Variants in LDLRAD4 observed in about 807,000 individuals in gnomAD.
LDLRAD4 encodes the protein low-density lipoprotein receptor class A domain-containing protein 4.
Under a neutral mutation model 17.0 loss-of-function variants are expected in LDLRAD4, and 5 were observed. The ratio of observed to expected loss-of-function variants is 0.29; its 90% CI spans 0.15 to 0.62. LDLRAD4 has a LOEUF of 0.62. LDLRAD4 is among the 20% of genes least tolerant of loss of function. The pLI is 0.84. For missense variants in LDLRAD4, 340 were observed against 424.7 expected, an observed-to-expected ratio of 0.80 and a Z score of 1.75; for synonymous variants, 168 against 171.8, an observed-to-expected ratio of 0.98 and a Z score of 0.17.
At chr18:13,507,351 A>G (rs988919490) in intron 3 of LDLRAD4, among the ~76,000 whole-genome samples, 8 of 152,138 alleles carry the variant, frequency 5.3e-5, no homozygotes, top group Admixed American at 4.6e-4. Flanking sequence ...CCCATAGTCC[A>G]TTATATCATT....
chr18:13,250,630 T>C (rs910367608), intron 1 of LDLRAD4, among the ~76,000 whole-genome samples: 4 of 152,118 alleles, frequency 2.6e-5, no homozygotes, highest in Non-Finnish European at 5.9e-5. Context: ...GTAAAAAACC[T>C]AGAGGAAATG....
chr18:13,259,651 C>G (rs2043700177), intron 1 of LDLRAD4, among the ~76,000 whole-genome samples: 1 of 152,158 alleles, frequency 6.6e-6, no homozygotes, highest in South Asian at 2.1e-4. Context: ...CCACTTGTTT[C>G]TTTCTCCTGT....
At chr18:13,405,059 G>C (rs2087602200) in intron 2 of LDLRAD4, among the ~76,000 whole-genome samples, 1 of 151,694 alleles carries the variant, frequency 6.6e-6, no homozygotes, top group Admixed American at 6.6e-5. Context: ...ATCCCCTAAG[G>C]GAAGCTGCAC....
At chr18:13,546,468 A>C (rs1402840591) in intron 3 of LDLRAD4, among the ~76,000 whole-genome samples, 1 of 149,320 alleles carries the variant, frequency 6.7e-6, no homozygotes, top group East Asian at 2.0e-4. Context: ...TCCCAGGCTC[A>C]AGCGATTCTC....
At chr18:13,316,927 A>G (rs1334323734) in intron 1 of LDLRAD4, among the ~76,000 whole-genome samples, 1 of 152,246 alleles carries the variant, frequency 6.6e-6, no homozygotes, top group African/African-American at 2.4e-5. Context: ...TTTTCACTCA[A>G]ACACTTCATA....
At chr18:13,384,540 G>T (rs967474906) in intron 1 of LDLRAD4, among the ~76,000 whole-genome samples, 1 of 152,110 alleles carries the variant, frequency 6.6e-6, no homozygotes, top group Non-Finnish European at 1.5e-5. Context: ...TGAAAATTTT[G>T]TATGTTTGAT....
intron 1 of LDLRAD4, among the ~76,000 whole-genome samples, chr18:13,380,368 G>A (rs369264357): frequency 5.9e-5 from 9 of 152,200 alleles, no homozygotes; most frequent in African/African-American, 1.9e-4. Context: ...TCCTGTGGCC[G>A]CTGTGTGTAG....
intron 3 of LDLRAD4, among the ~76,000 whole-genome samples, chr18:13,555,792 T>G (rs2094477240): frequency 1.3e-5 from 2 of 152,232 alleles, no homozygotes; most frequent in South Asian, 4.1e-4. Context: ...ATATAATAAT[T>G]AAGGTATAGA....
In LDLRAD4 at chr18:13,315,859, A is replaced by G. The variant is rs529226489; in HGVS notation, c.-383+37671A>G. 6.6e-5 allele frequency among the ~76,000 whole-genome samples: 10 copies of G among 152,238 alleles called. No homozygotes were observed. The South Asian group carries it at 2.1e-3, about 32-fold the overall frequency. ...TGGGAATGAAAAATACAATAAATGA[A>G]ATGAAGAATTAAATATAAATTGGAT... is the stretch of plus-strand genomic sequence containing the variant. On this transcript the variant is annotated intron_variant, in intron 1 of 5. Transcript: ENST00000359446.
intron 1 of LDLRAD4, among the ~76,000 whole-genome samples, chr18:13,312,078 G>A (rs1599322326): frequency 6.6e-6 from 1 of 151,912 alleles, no homozygotes; most frequent in Non-Finnish European, 1.5e-5. Context: ...CTCAAGATCC[G>A]CCCGCCTCGG....
At chr18:13,316,143 C>G (rs1450369658) in intron 1 of LDLRAD4, among the ~76,000 whole-genome samples, 2 of 152,126 alleles carry the variant, frequency 1.3e-5, no homozygotes, top group African/African-American at 2.4e-5. Flanking sequence ...AGAAACTTTA[C>G]AAACTCCAAA....
chr18:13,263,241 T>A (rs1051708003), intron 1 of LDLRAD4, among the ~76,000 whole-genome samples: 4 of 149,032 alleles, frequency 2.7e-5, no homozygotes, highest in Non-Finnish European at 5.9e-5. Context: ...CTGAGTCCCG[T>A]GCGGCTCTGC....
intron 1 of LDLRAD4, among the ~76,000 whole-genome samples, chr18:13,244,964 C>T (rs73415398): frequency 0.045 from 6,926 of 152,298 alleles, 411 homozygotes; most frequent in East Asian, 0.32. Context: ...TCATCTGGTC[C>T]GTCTGTGGCC....
At chr18:13,266,741 G>A (rs1246302989) in intron 1 of LDLRAD4, among the ~76,000 whole-genome samples, 1 of 152,224 alleles carries the variant, frequency 6.6e-6, no homozygotes, top group East Asian at 1.9e-4. Context: ...CCAGACCCGT[G>A]GGCAGATCCC....
At chr18:13,593,729 A>G (rs12604351) in intron 3 of LDLRAD4, among the ~76,000 whole-genome samples, 10,523 of 152,270 alleles carry the variant, frequency 0.069, 854 homozygotes, top group East Asian at 0.37. Flanking sequence ...AGTTGGGACT[A>G]CATATAAGCG....
intron 3 of LDLRAD4, among the ~76,000 whole-genome samples, chr18:13,530,276 A>T (rs2094107230): frequency 6.6e-6 from 1 of 152,228 alleles, no homozygotes; most frequent in Non-Finnish European, 1.5e-5. Context: ...AGGAAGGAAC[A>T]CATGTTCGTC....
At chr18:13,562,219 G>T (rs1278688199) in intron 3 of LDLRAD4, among the ~76,000 whole-genome samples, 2 of 152,220 alleles carry the variant, frequency 1.3e-5, no homozygotes, top group African/African-American at 2.4e-5. Context: ...GATGTGGCTT[G>T]CTGTGAGGGT....
chr18:13,263,907 G>A (rs1321982357), intron 1 of LDLRAD4, among the ~76,000 whole-genome samples: 1 of 151,984 alleles, frequency 6.6e-6, no homozygotes, highest in Non-Finnish European at 1.5e-5. Flanking sequence ...ATTTCATAAA[G>A]TACAATCATA....
At chr18:13,294,520 CAT>C (rs2046159576) in intron 1 of LDLRAD4, among the ~76,000 whole-genome samples, 1 of 152,232 alleles carries the variant, frequency 6.6e-6, no homozygotes, top group Non-Finnish European at 1.5e-5. Flanking sequence ...AAAGCTATCT[CAT>C]AGAACTAAAA....
Sources: gnomAD v4.1 joint callset for allele counts (sites outside exome capture counted in the v4.1 genomes callset) on GRCh38, gnomAD v4.1.1 for gene constraint, MANE v1.5 for transcripts, NCBI Gene and HGNC (gene_info 2026-07-23, HGNC 2026-07-21) for gene names.